HMG20A: variants seen among roughly 807,000 people sequenced by gnomAD.
HMG20A encodes high mobility group protein 20A.
HMG20A carries 17 observed loss-of-function variants against 43.9 expected under a neutral mutation model. The observed-to-expected ratio is 0.39, with a 90% CI of 0.27 to 0.58. The LOEUF (loss-of-function observed/expected upper bound fraction) is 0.58. Among genes scored for constraint, HMG20A ranks in the 20% least tolerant of loss-of-function variants. The pLI is 0.59. For missense variants in HMG20A, 341 were observed against 438.2 expected (o/e 0.78, Z 1.98); for synonymous variants, 132 against 147.5 (o/e 0.89, Z 0.76).
downstream of HMG20A, among the ~76,000 whole-genome samples, chr15:77,485,955 A>T (rs1228829371): frequency 2.6e-5 from 4 of 152,230 alleles, no homozygotes; most frequent in Non-Finnish European, 5.9e-5. Flanking sequence ...TAAATAAAAA[A>T]GTTCTATTTC....
At chr15:77,427,662 A>G (rs1428740766) in intron 1 of HMG20A, among the ~76,000 whole-genome samples, 2 of 152,196 alleles carry the variant, frequency 1.3e-5, no homozygotes, top group South Asian at 2.1e-4. Context: ...TTTAAAGGAT[A>G]TGGATTTTTG....
intron 1 of HMG20A, among the ~76,000 whole-genome samples, chr15:77,425,331 T>C (rs1455771253): frequency 6.6e-6 from 1 of 152,196 alleles, no homozygotes; most frequent in East Asian, 1.9e-4. Context: ...ATTCACATCA[T>C]AGGTATTCAG....
rs34114445 is a variant in HMG20A, at chr15:77,456,634, CAA to C, written c.-4-1750_-4-1749del. ...GGCGTGGGCAACAGAGCGAGACTGT[CAA>C]AAAAAAAAAAAAAAAAAAAGCCAGT... On this transcript the variant is annotated intron_variant, in intron 1 of 9. Transcript: ENST00000336216. Among the ~76,000 whole-genome samples, 817 of 95,344 alleles carry C rather than the reference CAA, an allele frequency of 8.6e-3. 3 individuals are homozygous for C. Among genetic ancestry groups the C allele is most frequent in the African/African-American group, 0.027 (667 of 24,480 alleles). 62.5% of individuals were successfully genotyped at this position (95,344 alleles called of 152,430 possible).
At position 77,479,297 on chromosome 15, in the gene HMG20A, G is replaced by A; in HGVS notation, c.1026G>A (p.Val342=). 1.9e-6 allele frequency: 3 copies of A among 1,613,978 alleles called. No individual in the cohort carries two copies. Among genetic ancestry groups the A allele is most frequent in the Non-Finnish European group, 2.5e-6 (3 of 1,179,966 alleles). Reference sequence around the variant, plus strand: ...TCATAGCTACAGTTCGAGAAGTTGTGAACAGACTCGATCGTTAGGGAATGG... The same window carrying A: ...TCATAGCTACAGTTCGAGAAGTTGTAAACAGACTCGATCGTTAGGGAATGG... The part of the protein sequence containing the change: ...ENFIATVREV[V]NRLDR The change falls in exon 9 of 10, where the codon GTG becomes GTA. Residue 342 remains valine, a synonymous_variant. Transcript: ENST00000336216.
the HMG20A span, among the ~76,000 whole-genome samples, chr15:77,509,483 G>C: frequency 6.6e-6 from 1 of 151,488 alleles, no homozygotes; most frequent in Non-Finnish European, 1.5e-5. Flanking sequence ...TTGAAATCCT[G>C]ATCTCAGGTG....
chr15:77,460,403 T>G (rs1448659846), intron 2 of HMG20A, among the ~76,000 whole-genome samples: 1 of 152,098 alleles, frequency 6.6e-6, no homozygotes, highest in Non-Finnish European at 1.5e-5. Flanking sequence ...TGCCATTAGC[T>G]TAGATGGGGA....
At position 77,477,399 on chromosome 15, in the gene HMG20A, A is replaced by G. The variant is rs910281745; in HGVS notation, c.616-156A>G. Among the ~76,000 whole-genome samples the G allele has an allele frequency of 3.9e-5, 6 of 152,354 alleles. 1 individual carries two copies. The East Asian group carries it at 5.8e-4, about 15-fold the overall frequency. ...TAAGCTCTGTGAAAGTTGGATTCCA[A>G]TGAAAAGATGAATACATTTCCCTCA... On this transcript the variant is annotated intron_variant, in intron 6 of 9. Transcript: ENST00000336216.
At chr15:77,440,703 G>C (rs1234433219) in intron 1 of HMG20A, among the ~76,000 whole-genome samples, 4 of 152,274 alleles carry the variant, frequency 2.6e-5, no homozygotes, top group Non-Finnish European at 5.9e-5. Flanking sequence ...TATAGACTCA[G>C]ATTTTCTGCC....
At chr15:77,514,992 T>C in the HMG20A span, among the ~76,000 whole-genome samples, 1 of 152,176 alleles carries the variant, frequency 6.6e-6, no homozygotes, top group African/African-American at 2.4e-5. Flanking sequence ...GGTTTTTTCC[T>C]TGAGTGACTG....
At chr15:77,459,456 A>T (rs1279493730) in intron 2 of HMG20A, among the ~76,000 whole-genome samples, 1 of 152,220 alleles carries the variant, frequency 6.6e-6, no homozygotes, top group East Asian at 1.9e-4. Flanking sequence ...AGCAAAACAT[A>T]TACTATGTTG....
chr15:77,448,822 G>T (rs1365674752), intron 1 of HMG20A, among the ~76,000 whole-genome samples: 2 of 152,006 alleles, frequency 1.3e-5, no homozygotes, highest in African/African-American at 4.8e-5. Flanking sequence ...GGTGGCTCAC[G>T]CCTGTAATCC....
intron 9 of HMG20A, among the ~76,000 whole-genome samples, chr15:77,480,603 T>C (rs1358319109): frequency 6.7e-6 from 1 of 148,508 alleles, no homozygotes; most frequent in African/African-American, 2.5e-5. Context: ...CAGAGCAAGA[T>C]TCTGTCTCAA....
chr15:77,488,517 A>G (rs1227906126), downstream of HMG20A, among the ~76,000 whole-genome samples: 1 of 152,194 alleles, frequency 6.6e-6, no homozygotes, highest in East Asian at 1.9e-4. Context: ...TAAGTGCAAA[A>G]GAGTTTGCAA....
chr15:77,494,003 G>A, the HMG20A span, among the ~76,000 whole-genome samples: 1 of 152,202 alleles, frequency 6.6e-6, no homozygotes, highest in Admixed American at 6.5e-5. Context: ...GACTTCCAAG[G>A]AGACTTTTTT....
At chr15:77,457,286 T>G (rs1274484107) in intron 1 of HMG20A, among the ~76,000 whole-genome samples, 1 of 152,236 alleles carries the variant, frequency 6.6e-6, no homozygotes, top group Non-Finnish European at 1.5e-5. Flanking sequence ...GCTTTCCTTT[T>G]AATTGCTGTT....
At chr15:77,489,348 C>A (rs1157877701), downstream of HMG20A, among the ~76,000 whole-genome samples, 1 of 152,134 alleles carries the variant, frequency 6.6e-6, no homozygotes, top group Non-Finnish European at 1.5e-5. Flanking sequence ...AGTTACAGAA[C>A]AGGGAACAGG....
chr15:77,487,977 CTA>C (rs2072954403), downstream of HMG20A, among the ~76,000 whole-genome samples: 1 of 152,268 alleles, frequency 6.6e-6, no homozygotes, highest in South Asian at 2.1e-4. Flanking sequence ...TTTCACAAGA[CTA>C]TGTGTCTACA....
At chr15:77,513,566 G>C in the HMG20A span, among the ~76,000 whole-genome samples, 24 of 152,240 alleles carry the variant, frequency 1.6e-4, 1 homozygote, top group Admixed American at 1.4e-3. Flanking sequence ...TCAAGGTGCC[G>C]ACCGGGTTGG....
Position 77,467,303 on chromosome 15 carries a change from A to C in HMG20A, c.446A>C (p.Lys149Thr), listed in dbSNP as rs1412956911. The change falls in exon 4 of 10, where the codon AAA (lysine) becomes ACA (threonine). Residue 149 changes from lysine to threonine, a missense_variant. By Grantham distance (78) the Lys-to-Thr change is moderately conservative (BLOSUM62 -1). This residue lies in a region of HMG20A where 220 missense variants were observed against 263.6 expected (regional missense o/e 0.83). Coordinates refer to ENST00000336216, the MANE Select transcript of HMG20A (RefSeq NM_001304504.2). Reference sequence around the variant, plus strand: ...TGGAGTAAACTGCCTCCTGAGGAAAAACAGGTAATTGTTCCTATTCCTGAC... The same window carrying C: ...TGGAGTAAACTGCCTCCTGAGGAAACACAGGTAATTGTTCCTATTCCTGAC... ...NEWSKLPPEE[K>T]QRYLDEADRD... 1 of 1,610,532 alleles carries C rather than the reference A, an allele frequency of 6.2e-7. No individual in the cohort carries two copies. Among genetic ancestry groups the C allele is most frequent in the Non-Finnish European group, 8.5e-7 (1 of 1,176,766 alleles).
Sources: allele counts gnomAD v4.1 joint callset (sites outside exome capture counted in the v4.1 genomes callset), GRCh38; gene constraint gnomAD v4.1.1; regional missense constraint gnomAD v4.1.1; transcripts MANE v1.5; gene names NCBI Gene and HGNC (gene_info 2026-07-23, HGNC 2026-07-21).